The following CALD1 variants were observed in gnomAD, a reference collection of about 807,000 sequenced individuals.
The protein encoded by CALD1 is caldesmon.
A neutral mutation model predicts 99.9 loss-of-function variants in CALD1; 33 were observed. The observed-to-expected ratio is 0.33, with a 90% CI of 0.25 to 0.44. CALD1 has a LOEUF of 0.44. Ranked by LOEUF, CALD1 falls within the 20% of genes least tolerant of loss-of-function variation. CALD1 has a pLI of 1.00. For synonymous variants in CALD1, 310 were observed against 325.0 expected, an observed-to-expected ratio of 0.95 and a Z score of 0.50; for missense variants, 861 against 962.1, an observed-to-expected ratio of 0.89 and a Z score of 1.39.
upstream of CALD1, chr7:134,779,377 A>G (rs1315322843): frequency 3.3e-6 from 1 of 307,350 alleles, no homozygotes; most frequent in Admixed American, 5.0e-5. Flanking sequence ...GGCAGCGTGC[A>G]CGCAGTTTCA....
Position 134,947,661 on chromosome 7 carries a change from T to C in CALD1, c.1686T>C (p.Ala562=). 1 of 1,589,580 alleles carries C rather than the reference T, an allele frequency of 6.3e-7. No homozygotes were observed. Among genetic ancestry groups the C allele is most frequent in the Non-Finnish European group, 8.6e-7 (1 of 1,167,196 alleles). The change falls in exon 8 of 15, where the codon GCT becomes GCC. Residue 562 remains alanine, a synonymous_variant. Transcript: ENST00000361675. ...TCAAACAGAAGCAGCAGGAGGCGGC[T>C]TTGGAGCTGGAGGAACTCAAGAAAA... The part of the protein sequence containing the change: ...EKLKQKQQEA[A]LELEELKKKR...
At chr7:134,934,332 G>C (rs1238404261) in intron 5 of CALD1, among the ~76,000 whole-genome samples, 5 of 152,160 alleles carry the variant, frequency 3.3e-5, no homozygotes, top group Non-Finnish European at 4.4e-5. Flanking sequence ...TAATTGCTCT[G>C]TGCTTGATTG....
intron 1 of CALD1, among the ~76,000 whole-genome samples, chr7:134,773,782 CTGTGTGTGTGTGTGTGTG>C (rs36104737): frequency 5.0e-5 from 7 of 138,744 alleles, no homozygotes; most frequent in South Asian, 4.9e-4. Flanking sequence ...AACCTCTCTT[CTGTGTGTGTGTGTGTGTG>C]TGTGTGTGTG....
At chr7:134,771,359 C>T (rs1796876622) in intron 1 of CALD1, among the ~76,000 whole-genome samples, 1 of 152,198 alleles carries the variant, frequency 6.6e-6, no homozygotes, top group Middle Eastern at 3.2e-3. Flanking sequence ...CCGTCCCCCT[C>T]AGGGGTGCCC....
rs766464384 is a variant in CALD1 at position 134,928,906 on chromosome 7, G to C, written c.218+6G>C. 36 of 1,600,842 alleles carry C rather than the reference G, an allele frequency of 2.2e-5. No homozygotes were observed. The highest frequency in any genetic ancestry group is 3.1e-5 in the Non-Finnish European group (36 of 1,172,524). ...GAGGTGAATGCCCAGAACAGGTACT[G>C]TCCTCTTTGGGACGGGGAGTTTCTA... On this transcript the variant is annotated splice_donor_region_variant and intron_variant, in intron 4 of 14. Coordinates refer to ENST00000361675, the MANE Select transcript of CALD1 (RefSeq NM_033138.4).
At chr7:134,712,756 T>C in the CALD1 span, among the ~76,000 whole-genome samples, 1 of 152,282 alleles carries the variant, frequency 6.6e-6, no homozygotes, top group East Asian at 1.9e-4. Flanking sequence ...TTAGCTGAGA[T>C]CTGACCCATA....
chr7:134,909,481 G>A (rs1373235359), intron 3 of CALD1, among the ~76,000 whole-genome samples: 1 of 152,192 alleles, frequency 6.6e-6, no homozygotes, highest in Non-Finnish European at 1.5e-5. Flanking sequence ...TCAGGAGTTC[G>A]AGACCAGCCT....
intron 1 of CALD1, among the ~76,000 whole-genome samples, chr7:134,764,066 C>T (rs946642447): frequency 4.6e-5 from 7 of 152,116 alleles, no homozygotes. Flanking sequence ...AACAAAGTGT[C>T]CCCAAAGTCC....
chr7:134,869,067 A>G (rs143274264), intron 3 of CALD1, among the ~76,000 whole-genome samples: 38 of 152,344 alleles, frequency 2.5e-4, no homozygotes, highest in Non-Finnish European at 4.0e-4. Flanking sequence ...GAAATAGCAT[A>G]GCAGCATAGC....
At chr7:134,775,634 C>T (rs1796912326), upstream of CALD1, among the ~76,000 whole-genome samples, 1 of 152,060 alleles carries the variant, frequency 6.6e-6, no homozygotes, top group African/African-American at 2.4e-5. Flanking sequence ...TAGCTTGAAC[C>T]CGGGAAGCGG....
chr7:134,835,711 C>T (rs572617231), intron 1 of CALD1, among the ~76,000 whole-genome samples: 38 of 152,114 alleles, frequency 2.5e-4, no homozygotes, highest in Admixed American at 1.4e-3. Context: ...TTGTGAATAT[C>T]GAAAATTTCT....
chr7:134,896,288 G>T (rs183120763), intron 3 of CALD1, among the ~76,000 whole-genome samples: 1 of 152,300 alleles, frequency 6.6e-6, no homozygotes. Flanking sequence ...TTGCATTTAT[G>T]TTCCAGTGCT....
chr7:134,960,743 CCCTG>C, intron 13 of CALD1, 115 bp downstream of exon 13: 1 of 647,984 alleles, frequency 1.5e-6, no homozygotes, highest in Non-Finnish European at 2.8e-6. Flanking sequence ...TCTTTGCTTT[CCCTG>C]ATGAATAGCA....
At chr7:134,809,166 C>T (rs976253567) in intron 1 of CALD1, among the ~76,000 whole-genome samples, 1 of 152,166 alleles carries the variant, frequency 6.6e-6, no homozygotes, top group Non-Finnish European at 1.5e-5. Flanking sequence ...CACTGTAGTA[C>T]AATACCGGGG....
At chr7:134,822,752 A>G (rs1315217114) in intron 1 of CALD1, among the ~76,000 whole-genome samples, 1 of 152,148 alleles carries the variant, frequency 6.6e-6, no homozygotes, top group Non-Finnish European at 1.5e-5. Flanking sequence ...AACTTATTCT[A>G]CTTCATTTGA....
intron 1 of CALD1, among the ~76,000 whole-genome samples, chr7:134,827,787 T>C (rs1324632707): frequency 2.0e-5 from 3 of 152,192 alleles, no homozygotes; most frequent in African/African-American, 7.2e-5. Context: ...GAGATGACTT[T>C]TTTCATTCAT....
chr7:134,847,056 G>A lies in CALD1; in HGVS notation c.-42+3085G>A, dbSNP rs3800726. ...GTGTTTCATTAATTTCAGTCAGCTC[G>A]TGGGCTTGGAGAGAAAGATCATTTT... On this transcript the variant is annotated intron_variant, in intron 2 of 14. Transcript: ENST00000361675. Among the ~76,000 whole-genome samples, 14 of 152,300 alleles carry A rather than the reference G, an allele frequency of 9.2e-5. No homozygotes were observed. In the East Asian group the frequency reaches 1.9e-3, roughly 21 times the overall value.
chr7:134,755,953 T>C (rs1796723839), intron 1 of CALD1, among the ~76,000 whole-genome samples: 1 of 152,188 alleles, frequency 6.6e-6, no homozygotes, highest in African/African-American at 2.4e-5. Flanking sequence ...ATCTAAACAT[T>C]ATCTTTGTCC....
At chr7:134,728,396 C>A in the CALD1 span, among the ~76,000 whole-genome samples, 2 of 152,154 alleles carry the variant, frequency 1.3e-5, no homozygotes, top group Admixed American at 1.3e-4. Flanking sequence ...ACAGAAACAA[C>A]CTGCTTGGTT....
Sources: allele counts gnomAD v4.1 joint callset (sites outside exome capture counted in the v4.1 genomes callset), GRCh38; gene constraint gnomAD v4.1.1; transcripts MANE v1.5; gene names NCBI Gene and HGNC (gene_info 2026-07-23, HGNC 2026-07-21).